IGF2BP3: variants seen among roughly 807,000 people sequenced by gnomAD.
IGF2BP3 encodes insulin-like growth factor 2 mRNA-binding protein 3.
IGF2BP3 carries 9 observed loss-of-function variants against 73.8 expected under a neutral mutation model. That is an observed-to-expected ratio of 0.12 (90% CI 0.07 to 0.21). IGF2BP3 has a LOEUF of 0.21. Ranked by LOEUF, IGF2BP3 falls within the 10% of genes least tolerant of loss-of-function variation. IGF2BP3 has a pLI of 1.00. For missense variants in IGF2BP3, 542 were observed against 714.0 expected, an observed-to-expected ratio of 0.76 and a Z score of 2.75; for synonymous variants, 258 against 256.7, an observed-to-expected ratio of 1.01 and a Z score of -0.05.
At chr7:23,328,379 T>C (rs1339949996) in intron 10 of IGF2BP3, among the ~76,000 whole-genome samples, 2 of 152,172 alleles carry the variant, frequency 1.3e-5, no homozygotes, top group Admixed American at 6.5e-5. Context: ...CAGCTAACTT[T>C]TGTCTTTTTA....
At chr7:23,421,989 G>C (rs1411425844) in intron 2 of IGF2BP3, among the ~76,000 whole-genome samples, 4 of 151,958 alleles carry the variant, frequency 2.6e-5, no homozygotes, top group African/African-American at 9.7e-5. Context: ...ATGTTGTCCA[G>C]GTTCATCTTG....
intron 3 of IGF2BP3, among the ~76,000 whole-genome samples, chr7:23,378,722 C>T (rs939141618): frequency 7.2e-5 from 11 of 151,760 alleles, no homozygotes; most frequent in African/African-American, 1.2e-4. Flanking sequence ...TACAGGTGCA[C>T]GCCACCATGC....
At chr7:23,452,168 C>T (rs1159396335) in intron 2 of IGF2BP3, among the ~76,000 whole-genome samples, 1 of 151,926 alleles carries the variant, frequency 6.6e-6, no homozygotes, top group Non-Finnish European at 1.5e-5. Context: ...CCACGCCCAG[C>T]TAATTTTTTG....
At chr7:23,364,102 G>A (rs562745030) in intron 3 of IGF2BP3, among the ~76,000 whole-genome samples, 41 of 152,042 alleles carry the variant, frequency 2.7e-4, no homozygotes, top group Admixed American at 2.3e-3. Flanking sequence ...TTCGCAGGGC[G>A]CGGTGGCTCA....
At chr7:23,366,629 G>T (rs551152328) in intron 3 of IGF2BP3, among the ~76,000 whole-genome samples, 1 of 150,706 alleles carries the variant, frequency 6.6e-6, no homozygotes, top group Non-Finnish European at 1.5e-5. Flanking sequence ...AATCAATCTT[G>T]GTACCTAGCT....
At chr7:23,432,357 T>C (rs999369686) in intron 2 of IGF2BP3, among the ~76,000 whole-genome samples, 2 of 152,226 alleles carry the variant, frequency 1.3e-5, no homozygotes, top group African/African-American at 4.8e-5. Context: ...AGAAACATAG[T>C]CAAAGTTTTT....
At chr7:23,385,408 A>G (rs941949255) in intron 3 of IGF2BP3, among the ~76,000 whole-genome samples, 1 of 152,200 alleles carries the variant, frequency 6.6e-6, no homozygotes, top group Non-Finnish European at 1.5e-5. Context: ...TGATGCCTGG[A>G]TCCTAAGACT....
chr7:23,314,203 G>C (rs1349581219), intron 12 of IGF2BP3, among the ~76,000 whole-genome samples: 2 of 144,092 alleles, frequency 1.4e-5, no homozygotes, highest in Non-Finnish European at 3.0e-5. Flanking sequence ...TTTTTTTTGA[G>C]ACGGAGTCTT....
chr7:23,434,077 G>A (rs1004514985), intron 2 of IGF2BP3, among the ~76,000 whole-genome samples: 12 of 139,476 alleles, frequency 8.6e-5, no homozygotes, highest in Non-Finnish European at 1.9e-4. Context: ...GACTCTGTCT[G>A]GAAAAATTAA....
chr7:23,370,867 C>G (rs1785521875), intron 3 of IGF2BP3, among the ~76,000 whole-genome samples: 1 of 151,510 alleles, frequency 6.6e-6, no homozygotes, highest in South Asian at 2.1e-4. Context: ...TTAGTAGAGA[C>G]AGAGTTTTGC....
At chr7:23,373,551 T>G (rs1317352696) in intron 3 of IGF2BP3, among the ~76,000 whole-genome samples, 3 of 151,792 alleles carry the variant, frequency 2.0e-5, no homozygotes, top group African/African-American at 7.3e-5. Flanking sequence ...CAAAGGAAAA[T>G]AATGAGTGTT....
intron 3 of IGF2BP3, among the ~76,000 whole-genome samples, chr7:23,416,590 T>C (rs1787196936): frequency 6.6e-6 from 1 of 152,246 alleles, no homozygotes; most frequent in Non-Finnish European, 1.5e-5. Flanking sequence ...TCTACTGCAT[T>C]AAAGTAGAAG....
rs768123708 is a variant in IGF2BP3 at position 23,449,442 on chromosome 7, G to A, written c.236+19040C>T. On this transcript the variant is annotated intron_variant, in intron 2 of 14. Transcript: ENST00000258729. ...TGAGGCAGGAAAATGGCATGAAACC[G>A]GGAGGCAGAGCTTGCAGTGAGCCGA... Among the ~76,000 whole-genome samples the A allele has an allele frequency of 1.5e-4, 23 of 152,024 alleles. No homozygotes were observed. In the Middle Eastern group the frequency reaches 0.014, roughly 90 times the overall value.
At chr7:23,457,757 C>G (rs1788356653) in intron 2 of IGF2BP3, among the ~76,000 whole-genome samples, 1 of 152,206 alleles carries the variant, frequency 6.6e-6, no homozygotes, top group African/African-American at 2.4e-5. Context: ...CGAGTGTAAG[C>G]AAGCCCTGGG....
intron 6 of IGF2BP3, among the ~76,000 whole-genome samples, chr7:23,349,823 C>T (rs2128504220): frequency 6.6e-6 from 1 of 152,190 alleles, no homozygotes; most frequent in Non-Finnish European, 1.5e-5. Context: ...AAATGAGTAG[C>T]TCGAAAAGGA....
intron 2 of IGF2BP3, among the ~76,000 whole-genome samples, chr7:23,439,420 G>A (rs953445505): frequency 2.6e-5 from 4 of 151,482 alleles, no homozygotes; most frequent in African/African-American, 7.3e-5. Flanking sequence ...TTAGCCGGGT[G>A]TGGTGGCGGG....
intron 3 of IGF2BP3, among the ~76,000 whole-genome samples, chr7:23,362,036 G>A (rs1785242584): frequency 6.6e-6 from 1 of 152,182 alleles, no homozygotes. Context: ...AGGAGAAAGA[G>A]CATATATTTC....
At chr7:23,444,895 A>G (rs1321921991) in intron 2 of IGF2BP3, among the ~76,000 whole-genome samples, 4 of 152,164 alleles carry the variant, frequency 2.6e-5, no homozygotes, top group Non-Finnish European at 5.9e-5. Context: ...TAGAGTTCCC[A>G]TCTCTACTAA....
At chr7:23,468,567 G>A (rs534967263) in intron 1 of IGF2BP3, 25 bp from the exon 2 acceptor site, 2 of 1,612,888 alleles carry the variant, frequency 1.2e-6, no homozygotes, top group South Asian at 1.1e-5. Flanking sequence ...GAAGTGAGAC[G>A]GTCGGCCGAG....
Sources: gnomAD v4.1 joint callset for allele counts (sites outside exome capture counted in the v4.1 genomes callset) on GRCh38, gnomAD v4.1.1 for gene constraint, MANE v1.5 for transcripts, NCBI Gene and HGNC (gene_info 2026-07-23, HGNC 2026-07-21) for gene names.